Variants in NKAIN2 observed in about 807,000 individuals in gnomAD.
NKAIN2 encodes the protein sodium/potassium transporting ATPase interacting 2, also known as sodium/potassium-transporting ATPase subunit beta-1-interacting protein 2.
A neutral mutation model predicts 32.6 loss-of-function variants in NKAIN2; 14 were observed. The observed-to-expected ratio is 0.43, with a 90% confidence interval of 0.28 to 0.67. The LOEUF (loss-of-function observed/expected upper bound fraction) is 0.67, where lower values mean the gene tolerates loss of function less well. Ranked by LOEUF, NKAIN2 falls within the 30% of genes least tolerant of loss-of-function variation. NKAIN2 has a pLI of 0.17. For missense variants in NKAIN2, 198 were observed against 258.3 expected (o/e 0.77, Z 1.60); for synonymous variants, 80 against 87.2 (o/e 0.92, Z 0.46).
At chr6:123,842,230 G>A (rs1456145640) in intron 1 of NKAIN2, among the ~76,000 whole-genome samples, 1 of 152,058 alleles carries the variant, frequency 6.6e-6, no homozygotes, top group African/African-American at 2.4e-5. Flanking sequence ...CCACACACTG[G>A]GTGGCTTAAA....
At chr6:123,805,581 T>G (rs1180517518) in intron 1 of NKAIN2, among the ~76,000 whole-genome samples, 2 of 152,118 alleles carry the variant, frequency 1.3e-5, no homozygotes, top group Non-Finnish European at 2.9e-5. Context: ...CAGAATGTGG[T>G]AGTTTCTCAA....
intron 1 of NKAIN2, among the ~76,000 whole-genome samples, chr6:124,230,321 G>A (rs1000817349): frequency 3.3e-5 from 5 of 152,160 alleles, no homozygotes; most frequent in African/African-American, 1.2e-4. Context: ...GCTGTTAAAG[G>A]CATTCAGTTT....
chr6:124,245,038 T>G (rs2114788863), intron 1 of NKAIN2, among the ~76,000 whole-genome samples: 1 of 152,246 alleles, frequency 6.6e-6, no homozygotes, highest in Non-Finnish European at 1.5e-5. Context: ...TGAAGTTCTG[T>G]TTCCTTGGTG....
intron 5 of NKAIN2, among the ~76,000 whole-genome samples, chr6:124,801,523 T>G (rs1278266487): frequency 6.6e-6 from 1 of 152,212 alleles, no homozygotes; most frequent in Non-Finnish European, 1.5e-5. Context: ...CACTTCACTG[T>G]GATACCTGAG....
chr6:124,393,809 A>G (rs910111073), intron 3 of NKAIN2, among the ~76,000 whole-genome samples: 1 of 152,188 alleles, frequency 6.6e-6, no homozygotes, highest in Non-Finnish European at 1.5e-5. Flanking sequence ...TTTTATGTGC[A>G]TGCGCATTAT....
intron 5 of NKAIN2, among the ~76,000 whole-genome samples, chr6:124,801,258 T>A (rs1436197766): frequency 6.6e-6 from 1 of 152,204 alleles, no homozygotes; most frequent in Admixed American, 6.5e-5. Flanking sequence ...ATTTTTTTCA[T>A]TCATTATGCC....
intron 2 of NKAIN2, among the ~76,000 whole-genome samples, chr6:124,289,788 A>C (rs1391791451): frequency 6.6e-6 from 1 of 152,136 alleles, no homozygotes. Flanking sequence ...CACTCCTACA[A>C]GTCATTTCTA....
chr6:124,645,028 A>G (rs934901782), intron 3 of NKAIN2, among the ~76,000 whole-genome samples: 2 of 152,354 alleles, frequency 1.3e-5, no homozygotes, highest in Middle Eastern at 3.4e-3. Context: ...CCATTTAATG[A>G]TAGCTGGTTG....
rs186779375 is a variant in NKAIN2 at position 124,029,502 on chromosome 6, G to A, written c.54+225248G>A. Among the ~76,000 whole-genome samples, 941 of 151,760 alleles carry A rather than the reference G, an allele frequency of 6.2e-3. 10 individuals carry two copies. The highest frequency in any genetic ancestry group is 6.2e-3 in the Non-Finnish European group (423 of 67,972). On this transcript the variant is annotated intron_variant, in intron 1 of 6. Coordinates refer to ENST00000368417, the MANE Select transcript of NKAIN2 (RefSeq NM_001040214.3). ...TTTTCAAAGTTGTAAATTTGATAAA[G>A]AAAGATTTAGATAAAATCCAGCAAA... is the stretch of plus-strand genomic sequence containing the variant.
chr6:124,714,183 A>C (rs528790349), intron 4 of NKAIN2, among the ~76,000 whole-genome samples: 1 of 152,204 alleles, frequency 6.6e-6, no homozygotes, highest in African/African-American at 2.4e-5. Flanking sequence ...TGTAATCTAC[A>C]TAAATATTGG....
chr6:123,849,511 C>T (rs545687340), intron 1 of NKAIN2, among the ~76,000 whole-genome samples: 4 of 152,150 alleles, frequency 2.6e-5, no homozygotes, highest in Non-Finnish European at 4.4e-5. Context: ...AGTCTTTGTA[C>T]GTCCCTACCC....
chr6:123,973,055 T>C (rs1445592734), intron 1 of NKAIN2, among the ~76,000 whole-genome samples: 2 of 152,152 alleles, frequency 1.3e-5, no homozygotes, highest in Admixed American at 1.3e-4. Flanking sequence ...AAACAAATAT[T>C]GGCTGATGAA....
At chr6:124,372,166 A>G (rs1799798715) in intron 3 of NKAIN2, among the ~76,000 whole-genome samples, 1 of 152,198 alleles carries the variant, frequency 6.6e-6, no homozygotes, top group Non-Finnish European at 1.5e-5. Context: ...ACATGTTTAT[A>G]CAAAGTATTA....
chr6:124,024,778 C>T lies in NKAIN2; in HGVS notation c.54+220524C>T, dbSNP rs529869946. Among the ~76,000 whole-genome samples the T allele has an allele frequency of 6.6e-5, 10 of 151,968 alleles. No individual in the cohort carries two copies. The East Asian group carries it at 1.6e-3, about 24-fold the overall frequency. On this transcript the variant is annotated intron_variant, in intron 1 of 6. Coordinates refer to ENST00000368417, the MANE Select transcript of NKAIN2 (RefSeq NM_001040214.3). The stretch of plus-strand genomic sequence containing the variant: ...CGGAAGTGGGTGGATCAGAAGGTCA[C>T]GAGATCAAGACCATCCTGGCCAACA...
At chr6:124,805,854 G>C (rs1780524702) in intron 5 of NKAIN2, among the ~76,000 whole-genome samples, 1 of 152,178 alleles carries the variant, frequency 6.6e-6, no homozygotes, top group Non-Finnish European at 1.5e-5. Flanking sequence ...AGAAGCCTCA[G>C]GAGCTGATGC....
At chr6:123,885,973 G>A (rs1439163388) in intron 1 of NKAIN2, among the ~76,000 whole-genome samples, 1 of 147,552 alleles carries the variant, frequency 6.8e-6, no homozygotes, top group African/African-American at 2.5e-5. Context: ...AAGAACAAGA[G>A]TCCCCCCAAC....
chr6:124,355,301 A>T lies in NKAIN2; in HGVS notation c.227A>T (p.Asn76Ile). ...AVWLVLWVTW[N>I]VFVICFYLEA... ...TGGCTAGTCCTCTGGGTTACGTGGA[A>T]TGTGTTTGTTATCTGCTTCTATTTG... Residue 76 changes from asparagine to isoleucine, a missense_variant, in exon 3 of 7, where the codon AAT becomes ATT. Coordinates refer to ENST00000368417, the MANE Select transcript of NKAIN2 (RefSeq NM_001040214.3). 6.2e-7 allele frequency: 1 copy of T among 1,610,658 alleles called. No individual in the cohort carries two copies. The highest frequency in any genetic ancestry group is 8.5e-7 in the Non-Finnish European group (1 of 1,177,092).
chr6:124,008,638 C>T (rs149921205), intron 1 of NKAIN2, among the ~76,000 whole-genome samples: 5 of 152,010 alleles, frequency 3.3e-5, no homozygotes, highest in Non-Finnish European at 7.4e-5. Flanking sequence ...TGTTTAGATG[C>T]GTGTTTATGA....
intron 2 of NKAIN2, among the ~76,000 whole-genome samples, chr6:124,323,503 T>G (rs1187046813): frequency 6.6e-6 from 1 of 152,210 alleles, no homozygotes; most frequent in Non-Finnish European, 1.5e-5. Context: ...GCTCATTTAC[T>G]GCATGTGGAT....
Sources: allele counts gnomAD v4.1 joint callset (sites outside exome capture counted in the v4.1 genomes callset), GRCh38; gene constraint gnomAD v4.1.1; transcripts MANE v1.5; gene names NCBI Gene and HGNC (gene_info 2026-07-23, HGNC 2026-07-21).